The following ORC3 variants were observed in gnomAD, a reference collection of about 807,000 sequenced individuals.
ORC3 encodes the protein homolog of latheo, Drosophila.
In ORC3, 78 loss-of-function variants were observed where a neutral mutation model predicts 100.7. The observed-to-expected ratio is 0.77, with a 90% CI of 0.65 to 0.94. The LOEUF (loss-of-function observed/expected upper bound fraction) is 0.94. Ranked by LOEUF, ORC3 falls within the 40% of genes least tolerant of loss-of-function variation. The probability of loss-of-function intolerance (pLI) is 0.00; values close to 1 mark genes in which losing one functional copy is unlikely to be tolerated. For missense variants in ORC3, 789 were observed against 823.9 expected (o/e 0.96, Z 0.52); for synonymous variants, 295 against 289.3 (o/e 1.02, Z -0.20).
intron 13 of ORC3, chr6:87,650,865 G>A: frequency 3.9e-6 from 1 of 254,566 alleles, no homozygotes; most frequent in Non-Finnish European, 8.0e-6. Context: ...AAATTAGCCG[G>A]GCATGGTGGT....
At chr6:87,676,894 G>A in the ORC3 span, among the ~76,000 whole-genome samples, 1 of 151,620 alleles carries the variant, frequency 6.6e-6, no homozygotes, top group South Asian at 2.1e-4. Flanking sequence ...GGCTAACACG[G>A]TGAAACCCTG....
chr6:87,623,170 G>C (rs897530727), intron 11 of ORC3, among the ~76,000 whole-genome samples: 7 of 152,138 alleles, frequency 4.6e-5, no homozygotes, highest in Non-Finnish European at 7.4e-5. Flanking sequence ...CCCTCCATTG[G>C]TAATTTATGC....
At position 87,626,036 on chromosome 6, in the gene ORC3, T is replaced by C. The variant is rs143369727; in HGVS notation, c.1185+4023T>C. Among the ~76,000 whole-genome samples the C allele has an allele frequency of 3.3e-5, 5 of 152,328 alleles. No individual in the cohort carries two copies. In the South Asian group the frequency reaches 8.3e-4, roughly 25 times the overall value. On this transcript the variant is annotated intron_variant, in intron 11 of 19. Coordinates refer to ENST00000392844, the MANE Select transcript of ORC3 (RefSeq NM_012381.4). Reference sequence around the variant, plus strand: ...TTTCTGAGGCCTCTGTTCTGTTCCATTGGTCCATATCTCTGTTTTGGTACC... The same window carrying C: ...TTTCTGAGGCCTCTGTTCTGTTCCACTGGTCCATATCTCTGTTTTGGTACC...
At chr6:87,663,200 C>T in intron 17 of ORC3, 56 bp downstream of exon 17, 1 of 1,355,472 alleles carries the variant, frequency 7.4e-7, no homozygotes, top group Non-Finnish European at 1.0e-6. Flanking sequence ...GCGTCATTGT[C>T]ATAAAAATAT....
At chr6:87,638,269 G>A (rs1267548300) in intron 13 of ORC3, among the ~76,000 whole-genome samples, 1 of 152,142 alleles carries the variant, frequency 6.6e-6, no homozygotes, top group Non-Finnish European at 1.5e-5. Context: ...AAGGAATTGG[G>A]GAACCTCTGG....
intron 2 of ORC3, among the ~76,000 whole-genome samples, chr6:87,596,205 C>T (rs1777426649): frequency 6.6e-6 from 1 of 150,518 alleles, no homozygotes. Context: ...ATGATCTCAG[C>T]TCACTGCAAC....
At chr6:87,658,097 C>A in intron 16 of ORC3, 79 bp downstream of exon 16, 1 of 727,946 alleles carries the variant, frequency 1.4e-6, no homozygotes, top group Non-Finnish European at 2.4e-6. Flanking sequence ...CTGTCTATAG[C>A]CAATCCAGAA....
chr6:87,655,880 T>A (rs1769647196), intron 14 of ORC3, among the ~76,000 whole-genome samples: 1 of 152,290 alleles, frequency 6.6e-6, no homozygotes, highest in East Asian at 1.9e-4. Context: ...GGACAAAGAA[T>A]CTAGTAGACA....
At chr6:87,615,492 T>G (rs1583046842) in intron 8 of ORC3, among the ~76,000 whole-genome samples, 1 of 152,352 alleles carries the variant, frequency 6.6e-6, no homozygotes. Flanking sequence ...AAAGGTGATT[T>G]ATAGACACTT....
Position 87,626,808 on chromosome 6 carries a change from G to T in ORC3, c.1185+4795G>T, listed in dbSNP as rs937156777. Among the ~76,000 whole-genome samples the T allele has an allele frequency of 2.0e-5, 3 of 150,064 alleles. No homozygotes were observed. In the East Asian group the frequency reaches 5.8e-4, roughly 29 times the overall value. ...TCTCCAAAAAAAAAAAAAAAAGTAG[G>T]ATAATAATTCCTAGTATGATTTTTT... On this transcript the variant is annotated intron_variant, in intron 11 of 19. Coordinates refer to ENST00000392844, the MANE Select transcript of ORC3 (RefSeq NM_012381.4).
chr6:87,643,546 G>A lies in ORC3; in HGVS notation c.1382+7060G>A, dbSNP rs563444428. Among the ~76,000 whole-genome samples the A allele has an allele frequency of 4.3e-4, 66 of 152,340 alleles. 1 individual carries two copies. Among genetic ancestry groups the A allele is most frequent in the African/African-American group, 1.4e-3 (60 of 41,584 alleles). ...AAATTGGCTCGAAAACTGGACTGCG[G>A]TATTCCGCTAATAGTGAGCTAATGG... is the stretch of plus-strand genomic sequence containing the variant. On this transcript the variant is annotated intron_variant, in intron 13 of 19. Coordinates refer to ENST00000392844, the MANE Select transcript of ORC3 (RefSeq NM_012381.4).
At chr6:87,669,691 T>C (rs77016762), downstream of ORC3, among the ~76,000 whole-genome samples, 1,582 of 152,352 alleles carry the variant, frequency 0.01, 29 homozygotes, top group African/African-American at 0.035. Flanking sequence ...TTTTTCGCAA[T>C]ATTCTAGTCA....
chr6:87,602,013 C>A, intron 3 of ORC3, 132 bp downstream of exon 3: 3 of 612,370 alleles, frequency 4.9e-6, no homozygotes, highest in Non-Finnish European at 8.8e-6. Flanking sequence ...GCCTGTATAT[C>A]CTTAAAAAAA....
intron 11 of ORC3, among the ~76,000 whole-genome samples, chr6:87,631,877 A>G (rs1767447627): frequency 6.6e-6 from 1 of 152,120 alleles, no homozygotes; most frequent in African/African-American, 2.4e-5. Flanking sequence ...TATTGTTTTA[A>G]GGCCGGGTGC....
chr6:87,672,359 G>A (rs1419046374), downstream of ORC3, among the ~76,000 whole-genome samples: 1 of 152,176 alleles, frequency 6.6e-6, no homozygotes, highest in Non-Finnish European at 1.5e-5. Flanking sequence ...TTTTGGAAAT[G>A]ATTTAGTAGA....
In ORC3 at chr6:87,631,984, GA is replaced by G. The variant is rs1223027247; in HGVS notation, c.1186-2858del. On this transcript the variant is annotated intron_variant, in intron 11 of 19. Coordinates refer to ENST00000392844, the MANE Select transcript of ORC3 (RefSeq NM_012381.4). ...TTGAGACCAGCCTGGCCAACCCAGT[GA>G]AACCCCATCTCTGCTAAAAATACAA... Among the ~76,000 whole-genome samples the G allele has an allele frequency of 5.3e-5, 8 of 152,104 alleles. No individual in the cohort carries two copies. In the East Asian group the frequency reaches 1.4e-3, roughly 26 times the overall value.
At chr6:87,659,850 C>A (rs1166414959) in intron 16 of ORC3, among the ~76,000 whole-genome samples, 2 of 151,774 alleles carry the variant, frequency 1.3e-5, no homozygotes, top group Non-Finnish European at 2.9e-5. Context: ...CCACTGCACT[C>A]CAGCCTAGGC....
intron 8 of ORC3, among the ~76,000 whole-genome samples, chr6:87,612,485 ATC>A (rs1393879053): frequency 1.1e-4 from 17 of 152,220 alleles, no homozygotes. Context: ...GAGTGATCAT[ATC>A]TCTCTATGTA....
chr6:87,673,416 C>T, the ORC3 span, among the ~76,000 whole-genome samples: 1 of 151,962 alleles, frequency 6.6e-6, no homozygotes, highest in Admixed American at 6.5e-5. Context: ...GTTTAACTGG[C>T]CTCTAGTGGT....
Sources: gnomAD v4.1 joint callset for allele counts (sites outside exome capture counted in the v4.1 genomes callset) on GRCh38, gnomAD v4.1.1 for gene constraint, MANE v1.5 for transcripts, NCBI Gene and HGNC (gene_info 2026-07-23, HGNC 2026-07-21) for gene names.